Variants in MMAB observed in about 807,000 individuals in gnomAD.
MMAB encodes corrinoid adenosyltransferase MMAB.
A neutral mutation model predicts 30.6 loss-of-function variants in MMAB; 17 were observed. That is an observed-to-expected ratio of 0.56 (90% CI 0.38 to 0.83). The LOEUF is 0.83. MMAB is among the 40% of genes least tolerant of loss of function. MMAB has a pLI of 0.00. For synonymous variants in MMAB, 134 were observed against 138.6 expected, an observed-to-expected ratio of 0.97 and a Z score of 0.23; for missense variants, 311 against 331.6, an observed-to-expected ratio of 0.94 and a Z score of 0.48.
rs1883969721 is a variant in MMAB at position 109,556,354 on chromosome 12, T to C, written c.*674A>G. ...AGTGGTAGTGTTGTTCTCATCAGCA[T>C]CTCCATCCCTTTCAGAGGGGGTCCT... On this transcript the variant is annotated 3_prime_UTR_variant, in exon 9 of 9. Transcript: ENST00000545712. 8.8e-6 allele frequency: 4 copies of C among 453,810 alleles called. No individual in the cohort carries two copies. Among genetic ancestry groups the C allele is most frequent in the Non-Finnish European group, 1.3e-5 (3 of 226,728 alleles). 28.1% of individuals were successfully genotyped at this position (453,810 alleles called of 1,614,324 possible). A position where few individuals can be genotyped will look rare whatever the true frequency, so the allele number is the denominator to read the frequency against.
rs1050155290 is a variant in MMAB at position 109,554,077 on chromosome 12, C to T, written c.*2951G>A. On this transcript the variant is annotated 3_prime_UTR_variant, in exon 9 of 9. Transcript: ENST00000545712. ...GCCACAGCCCAGGTAGTGATTAAAA[C>T]GACTGTCAAGCGGCAGTGGGTGGGA... The T allele has an allele frequency of 1.6e-4, 71 of 454,018 alleles. No homozygotes were observed. The highest frequency in any genetic ancestry group is 3.1e-4 in the Non-Finnish European group (71 of 226,808). 28.1% of individuals were successfully genotyped at this position (454,018 alleles called of 1,614,324 possible). A position where few individuals can be genotyped will look rare whatever the true frequency, so the allele number is the denominator to read the frequency against.
chr12:109,567,171 G>GA, intron 3 of MMAB: 2 of 346,578 alleles, frequency 5.8e-6, no homozygotes, highest in Admixed American at 3.5e-5. Context: ...ACTCCGTCTC[G>GA]GAAAAAAAAA....
At chr12:109,573,206 G>T in intron 1 of MMAB, 141 bp downstream of exon 1, 1 of 1,150,362 alleles carries the variant, frequency 8.7e-7, no homozygotes, top group Non-Finnish European at 1.3e-6. Flanking sequence ...CGTGGCCCAC[G>T]TTGCCATGGT....
chr12:109,560,554 T>G (rs1221035661), intron 7 of MMAB, among the ~76,000 whole-genome samples: 1 of 152,160 alleles, frequency 6.6e-6, no homozygotes, highest in Non-Finnish European at 1.5e-5. Flanking sequence ...GAGGAGGTGG[T>G]GGCTAGTCTG....
Position 109,556,298 on chromosome 12 carries a change from A to G in MMAB, c.*730T>C, listed in dbSNP as rs1243968018. On this transcript the variant is annotated 3_prime_UTR_variant, in exon 9 of 9. Transcript: ENST00000545712. ...ATGCTGCACCGCAGACCCTTGACTCAGTCCAACCAGACAGGGAATGTTCAC... is the reference window on the plus strand; with the variant it reads ...ATGCTGCACCGCAGACCCTTGACTCGGTCCAACCAGACAGGGAATGTTCAC... 2.2e-6 allele frequency: 1 copy of G among 453,794 alleles called. No individual in the cohort carries two copies. The highest frequency in any genetic ancestry group is 2.3e-5 in the Admixed American group (1 of 42,572). 28.1% of individuals were successfully genotyped at this position (453,794 alleles called of 1,614,324 possible).
At chr12:109,560,970 T>TGGGGGGGGGCC in intron 7 of MMAB, 70 bp downstream of exon 7, 1 of 808,200 alleles carries the variant, frequency 1.2e-6, no homozygotes. Flanking sequence ...CTCCTCTCCC[T>TGGGGGGGGGCC]CTCCCTCCCC....
At chr12:109,571,764 G>A in intron 1 of MMAB, 54 bp from the exon 2 acceptor site, 1 of 1,497,388 alleles carries the variant, frequency 6.7e-7, no homozygotes, top group East Asian at 2.3e-5. Flanking sequence ...TACACAGAGG[G>A]TCAGCTCCTT....
At chr12:109,559,545 C>T (rs1270132939) in intron 7 of MMAB, among the ~76,000 whole-genome samples, 1 of 152,248 alleles carries the variant, frequency 6.6e-6, no homozygotes, top group Non-Finnish European at 1.5e-5. Flanking sequence ...GGGCTAAACT[C>T]TAAGCCCCTT....
rs889316275 is a variant in MMAB at position 109,569,086 on chromosome 12, C to T, written c.197-223G>A. On this transcript the variant is annotated intron_variant, in intron 2 of 8. Coordinates refer to ENST00000545712, the MANE Select transcript of MMAB (RefSeq NM_052845.4). This position sits in a 1 kb window ranked among gnomAD's most constrained non-coding sequence, Gnocchi z 4.1. ...TCAGTCTCCCAAGTAGCTGGGATTACAAGTGTGTACCACCATGCCCGGCTA... is the reference window on the plus strand; with the variant it reads ...TCAGTCTCCCAAGTAGCTGGGATTATAAGTGTGTACCACCATGCCCGGCTA... Among the ~76,000 whole-genome samples, 1 of 152,126 alleles carries T rather than the reference C, an allele frequency of 6.6e-6. No individual in the cohort carries two copies. Among genetic ancestry groups the T allele is most frequent in the Non-Finnish European group, 1.5e-5 (1 of 68,034 alleles).
In MMAB at chr12:109,558,865, A is replaced by G. The variant is rs541292051; in HGVS notation, c.644+231T>C. The stretch of plus-strand genomic sequence containing the variant: ...CTGGTTTTTACAGCAGCCTCTCCCA[A>G]TAAGATCTAAATCTTATCGGGACAG... On this transcript the variant is annotated intron_variant, in intron 8 of 8. Coordinates refer to ENST00000545712, the MANE Select transcript of MMAB (RefSeq NM_052845.4). This position sits in a 1 kb window ranked among gnomAD's most constrained non-coding sequence, Gnocchi z 4.3. Among the ~76,000 whole-genome samples, 18 of 152,092 alleles carry G rather than the reference A, an allele frequency of 1.2e-4. No homozygotes were observed. The South Asian group carries it at 3.3e-3, about 28-fold the overall frequency.
At position 109,561,498 on chromosome 12, in the gene MMAB, C is replaced by T. The variant is rs1038979872; in HGVS notation, c.441G>A (p.Ala147=). 6.5e-6 allele frequency: 10 copies of T among 1,549,714 alleles called. No individual in the cohort carries two copies. The highest frequency in any genetic ancestry group is 8.7e-6 in the Non-Finnish European group (10 of 1,146,946). The change falls in exon 6 of 9, where the codon GCG becomes GCA. Residue 147 remains alanine, a synonymous_variant. Transcript: ENST00000545712. The surrounding 1 kb of genome is among the most constrained non-coding windows in gnomAD (Gnocchi z 5.3). ...ACTGCTCCAGCTCCAGGATGGGCCC[C>T]GCCTTGAACGTGGTATACTCTGAGG... The part of the protein sequence containing the change: ...EAHLKYTTFK[A]GPILELEQWI...
chr12:109,555,034 G>C lies in MMAB; in HGVS notation c.*1994C>G, dbSNP rs1388983241. On this transcript the variant is annotated 3_prime_UTR_variant, in exon 9 of 9. Coordinates refer to ENST00000545712, the MANE Select transcript of MMAB (RefSeq NM_052845.4). ...CTGGAAGGACAGGACTTGGCAACAGGTGAACGGCCTTGTTTCAAAGATTGT... is the reference window on the plus strand; with the variant it reads ...CTGGAAGGACAGGACTTGGCAACAGCTGAACGGCCTTGTTTCAAAGATTGT... 1 of 453,990 alleles carries C rather than the reference G, an allele frequency of 2.2e-6. No homozygotes were observed. Among genetic ancestry groups the C allele is most frequent in the Non-Finnish European group, 4.4e-6 (1 of 226,800 alleles). 28.1% of individuals were successfully genotyped at this position (453,990 alleles called of 1,614,324 possible).
At chr12:109,568,594 T>G in intron 3 of MMAB, 176 bp downstream of exon 3, 1 of 683,042 alleles carries the variant, frequency 1.5e-6, no homozygotes, top group Non-Finnish European at 2.7e-6. Flanking sequence ...GGGAAAGGAG[T>G]CTGCAGCCCC....
chr12:109,555,639 G>A lies in MMAB; in HGVS notation c.*1389C>T, dbSNP rs563901187. On this transcript the variant is annotated 3_prime_UTR_variant, in exon 9 of 9. Transcript: ENST00000545712. Reference sequence around the variant, plus strand: ...AGTGACGATGGGGGCAGGGAGGCACGGAACAAAGCCACCTCCTGGAAGGCA... The same window carrying A: ...AGTGACGATGGGGGCAGGGAGGCACAGAACAAAGCCACCTCCTGGAAGGCA... The A allele has an allele frequency of 4.9e-5, 22 of 450,604 alleles. No homozygotes were observed. Among genetic ancestry groups the A allele is most frequent in the African/African-American group, 2.6e-4 (13 of 49,820 alleles). The allele number at this position is 450,604 out of a possible 1,614,324, so 27.9% of individuals were successfully genotyped here. A position where few individuals can be genotyped will look rare whatever the true frequency, so the allele number is the denominator to read the frequency against.
intron 3 of MMAB, among the ~76,000 whole-genome samples, chr12:109,565,617 C>T (rs528093025): frequency 6.6e-6 from 1 of 152,336 alleles, no homozygotes; most frequent in East Asian, 1.9e-4. Context: ...TCTGGGACTT[C>T]AGGCAAAGCT....
chr12:109,562,589 C>T (rs61940468), intron 4 of MMAB, among the ~76,000 whole-genome samples: 27,935 of 152,156 alleles, frequency 0.18, 2,672 homozygotes, highest in African/African-American at 0.2. Context: ...GCTCTGTCCA[C>T]GTCTCCTGTG....
chr12:109,563,488 ACAGTG>A (rs1376114671), intron 4 of MMAB, among the ~76,000 whole-genome samples: 1 of 152,222 alleles, frequency 6.6e-6, no homozygotes, highest in Non-Finnish European at 1.5e-5. Flanking sequence ...CCCCGCCCTC[ACAGTG>A]CCAAGGCTGG....
intron 3 of MMAB, among the ~76,000 whole-genome samples, chr12:109,566,545 C>A (rs567331264): frequency 1.3e-5 from 2 of 152,326 alleles, no homozygotes; most frequent in South Asian, 4.1e-4. Context: ...CCGAGGGATG[C>A]CCCGTGACCA....
chr12:109,556,775 A>T lies in MMAB; in HGVS notation c.*253T>A, dbSNP rs1172306752. On this transcript the variant is annotated 3_prime_UTR_variant, in exon 9 of 9. Transcript: ENST00000545712. ...AATCACTTTACCTGTCTTTCCTGCAATGCCAATTCATTCCCACATCCCTCC... is the reference window on the plus strand; with the variant it reads ...AATCACTTTACCTGTCTTTCCTGCATTGCCAATTCATTCCCACATCCCTCC... The T allele has an allele frequency of 1.6e-6, 1 of 613,114 alleles. No homozygotes were observed. Among genetic ancestry groups the T allele is most frequent in the African/African-American group, 1.8e-5 (1 of 55,084 alleles). 38.0% of individuals were successfully genotyped at this position (613,114 alleles called of 1,614,324 possible). A position where few individuals can be genotyped will look rare whatever the true frequency, so the allele number is the denominator to read the frequency against.
Sources: gnomAD v4.1 joint callset for allele counts (sites outside exome capture counted in the v4.1 genomes callset) on GRCh38, gnomAD v4.1.1 for gene constraint, Gnocchi (gnomAD v3.1) non-coding constraint, MANE v1.5 for transcripts, NCBI Gene and HGNC (gene_info 2026-07-23, HGNC 2026-07-21) for gene names.